Variants in TANC2 observed in about 807,000 individuals in gnomAD.
TANC2 encodes tetratricopeptide repeat, ankyrin repeat and coiled-coil containing 2.
Under a neutral mutation model 210.5 loss-of-function variants are expected in TANC2, and 26 were observed. The observed-to-expected ratio is 0.12, with a 90% CI of 0.09 to 0.17. The LOEUF is 0.17. Ranked by LOEUF, TANC2 falls within the 10% of genes least tolerant of loss-of-function variation. The pLI, the probability that TANC2 is intolerant of heterozygous loss-of-function variation, is 1.00. For missense variants in TANC2, 2,129 were observed against 2,608.9 expected (o/e 0.82, Z 4.01); for synonymous variants, 931 against 967.1 (o/e 0.96, Z 0.69).
At chr17:63,407,971 C>T (rs1483720077) in intron 21 of TANC2, among the ~76,000 whole-genome samples, 1 of 152,082 alleles carries the variant, frequency 6.6e-6, no homozygotes, top group Non-Finnish European at 1.5e-5. Flanking sequence ...TGGAAAAGGA[C>T]CAAGTTAGAA....
chr17:63,099,390 C>A, intron 4 of TANC2, 33 bp downstream of exon 4: 1 of 1,433,564 alleles, frequency 7.0e-7, no homozygotes, highest in Non-Finnish European at 9.3e-7. Flanking sequence ...GTATGTTTAA[C>A]AGGAAACCTA....
chr17:63,156,521 G>A (rs2039845627), intron 5 of TANC2, among the ~76,000 whole-genome samples: 2 of 151,912 alleles, frequency 1.3e-5, no homozygotes, highest in African/African-American at 4.8e-5. Context: ...GGAAATAATA[G>A]AACTATGGGA....
intron 3 of TANC2, among the ~76,000 whole-genome samples, chr17:63,074,484 A>AT (rs2036506805): frequency 6.6e-6 from 1 of 152,092 alleles, no homozygotes; most frequent in Non-Finnish European, 1.5e-5. Flanking sequence ...CCTTTGATTA[A>AT]TTTTTGAAGG....
chr17:63,060,364 T>G (rs2035952093), intron 2 of TANC2, among the ~76,000 whole-genome samples: 1 of 152,232 alleles, frequency 6.6e-6, no homozygotes, highest in Non-Finnish European at 1.5e-5. Flanking sequence ...CCCACGCCTG[T>G]AATCCCAGCA....
intron 22 of TANC2, 47 bp from the exon 23 acceptor site, chr17:63,411,951 T>C: frequency 1.2e-6 from 2 of 1,609,500 alleles, no homozygotes; most frequent in Non-Finnish European, 1.7e-6. Context: ...GGAACAGTGC[T>C]GAGCCATTAC....
At chr17:63,358,391 G>A (rs2046849979) in intron 14 of TANC2, among the ~76,000 whole-genome samples, 1 of 151,492 alleles carries the variant, frequency 6.6e-6, no homozygotes, top group African/African-American at 2.4e-5. Flanking sequence ...GTGTGTGTGT[G>A]TGTGTGTGTG....
intron 2 of TANC2, among the ~76,000 whole-genome samples, chr17:63,015,434 A>G (rs1363719219): frequency 6.6e-6 from 1 of 152,088 alleles, no homozygotes; most frequent in Non-Finnish European, 1.5e-5. Context: ...CGTCATTTAC[A>G]TTAGGTATAT....
chr17:63,421,749 C>T lies in TANC2; in HGVS notation c.6019C>T (p.His2007Tyr), dbSNP rs1159713021. The change falls in exon 28 of 28, where the codon CAT becomes TAT. Residue 2007 changes from histidine (H) to tyrosine (Y), a missense_variant. Transcript: ENST00000689528. This position sits in a 1 kb window ranked among gnomAD's most constrained non-coding sequence, Gnocchi z 6.9. ...GCTGGAGGACGATTATTACAGCCCC[C>T]ATGGGATGCTGGCTAACGGGTCTCG... The T allele has an allele frequency of 2.5e-6, 4 of 1,613,956 alleles. No individual in the cohort carries two copies. Among genetic ancestry groups the T allele is most frequent in the African/African-American group, 2.7e-5 (2 of 74,954 alleles).
intron 7 of TANC2, among the ~76,000 whole-genome samples, chr17:63,234,559 G>A (rs1475232612): frequency 6.6e-6 from 1 of 152,176 alleles, no homozygotes; most frequent in Admixed American, 6.5e-5. Context: ...GTAGAGAACA[G>A]CAGGGCTTTA....
At chr17:63,028,137 A>G (rs2144097710) in intron 2 of TANC2, among the ~76,000 whole-genome samples, 1 of 152,210 alleles carries the variant, frequency 6.6e-6, no homozygotes, top group East Asian at 1.9e-4. Flanking sequence ...TAAGCTGGTC[A>G]TGTCTGTAAA....
intron 20 of TANC2, among the ~76,000 whole-genome samples, chr17:63,405,873 G>A (rs1333766577): frequency 2.0e-5 from 3 of 152,196 alleles, no homozygotes; most frequent in Admixed American, 6.5e-5. Flanking sequence ...TGGAACTTCC[G>A]CTATGGGATT....
intron 1 of TANC2, among the ~76,000 whole-genome samples, chr17:62,968,027 AT>A (rs1342676803): frequency 6.6e-6 from 1 of 152,200 alleles, no homozygotes; most frequent in Admixed American, 6.5e-5. Context: ...CTATATAGAT[AT>A]ATGTGCATGT....
intron 4 of TANC2, among the ~76,000 whole-genome samples, chr17:63,122,303 C>T (rs141805124): frequency 6.6e-6 from 1 of 152,252 alleles, no homozygotes; most frequent in East Asian, 1.9e-4. Context: ...CCCTGCAAAA[C>T]CATGTGGAAC....
Position 63,388,533 on chromosome 17 carries a change from C to T in TANC2, c.2692-102C>T. 3 of 1,228,022 alleles carry T rather than the reference C, an allele frequency of 2.4e-6. No homozygotes were observed. The East Asian group carries it at 7.9e-5, about 32-fold the overall frequency. The allele number at this position is 1,228,022 out of a possible 1,614,324, so 76.1% of individuals were successfully genotyped here. A position where few individuals can be genotyped will look rare whatever the true frequency, so the allele number is the denominator to read the frequency against. ...TGAACATTGTTAGGGTGAGACTCCG[C>T]TCTCATTCATTAGTACCAAAAACAA... On this transcript the variant is annotated intron_variant, in intron 15 of 27. Transcript: ENST00000689528.
At chr17:63,207,646 A>T (rs961339405) in intron 7 of TANC2, among the ~76,000 whole-genome samples, 2 of 152,162 alleles carry the variant, frequency 1.3e-5, no homozygotes, top group Non-Finnish European at 2.9e-5. Flanking sequence ...CATTCTGTTG[A>T]TGAAAAGTTG....
chr17:63,053,659 A>G (rs1379355634), intron 2 of TANC2, among the ~76,000 whole-genome samples: 1 of 152,196 alleles, frequency 6.6e-6, no homozygotes, highest in Non-Finnish European at 1.5e-5. Flanking sequence ...TGGCATATCT[A>G]TATTTCTATG....
At chr17:63,017,875 C>T (rs936733366) in intron 2 of TANC2, among the ~76,000 whole-genome samples, 8 of 152,146 alleles carry the variant, frequency 5.3e-5, no homozygotes, top group Non-Finnish European at 7.3e-5. Context: ...GGCGCGGTGA[C>T]TCACTCCTGT....
chr17:63,074,010 G>A (rs776715045), exon 3 of TANC2: 1 of 1,570,406 alleles, frequency 6.4e-7, no homozygotes, highest in South Asian at 1.2e-5. Context: ...GCCGCTCTGG[G>A]CAAGGTAAAT....
intron 4 of TANC2, chr17:63,148,270 C>T (rs537439282): frequency 2.0e-5 from 3 of 152,068 alleles, no homozygotes; most frequent in Admixed American, 6.6e-5. Flanking sequence ...TTTCTGTAGC[C>T]GTAGCCCTCA....
Sources: allele counts gnomAD v4.1 joint callset (sites outside exome capture counted in the v4.1 genomes callset), GRCh38; gene constraint gnomAD v4.1.1; non-coding constraint Gnocchi (gnomAD v3.1); transcripts MANE v1.5; gene names NCBI Gene and HGNC (gene_info 2026-07-23, HGNC 2026-07-21).